The following GLIS1 variants were observed in gnomAD, a reference collection of about 807,000 sequenced individuals.
The protein encoded by GLIS1 is GLIS family zinc finger 1.
A neutral mutation model predicts 63.8 loss-of-function variants in GLIS1; 24 were observed. The observed-to-expected ratio is 0.38, with a 90% CI of 0.27 to 0.53. The LOEUF is 0.53. GLIS1 is among the 20% of genes least tolerant of loss of function. GLIS1 has a pLI of 0.85. For missense variants in GLIS1, 1,036 were observed against 1,074.1 expected, an observed-to-expected ratio of 0.96 and a Z score of 0.50; for synonymous variants, 450 against 482.5, an observed-to-expected ratio of 0.93 and a Z score of 0.88.
rs569737348 is a variant in GLIS1, at chr1:53,710,815, C to G, written c.259+26991G>C. 4.6e-5 allele frequency among the ~76,000 whole-genome samples: 7 copies of G among 152,318 alleles called. No homozygotes were observed. In the East Asian group the frequency reaches 1.4e-3, roughly 29 times the overall value. ...CATGTGGGAAGCCAGTGCCAGGCAC[C>G]CTCCCACGCATGTGAATGTTCCTAA... On this transcript the variant is annotated intron_variant, in intron 2 of 10. Coordinates refer to ENST00000628545, the MANE Select transcript of GLIS1 (RefSeq NM_001367484.1).
chr1:53,542,070 T>A (rs1212746084), intron 4 of GLIS1, among the ~76,000 whole-genome samples: 3 of 152,172 alleles, frequency 2.0e-5, no homozygotes, highest in Non-Finnish European at 1.5e-5. Flanking sequence ...AGCCACTGCC[T>A]CCTCCCCAAA....
At chr1:53,507,680 G>T (rs17108658) in intron 10 of GLIS1, among the ~76,000 whole-genome samples, 1 of 152,160 alleles carries the variant, frequency 6.6e-6, no homozygotes, top group African/African-American at 2.4e-5. Flanking sequence ...GACCGGGGAG[G>T]TGTGCACAGA....
intron 2 of GLIS1, among the ~76,000 whole-genome samples, chr1:53,698,187 C>G (rs529084792): frequency 5.3e-5 from 8 of 151,740 alleles, no homozygotes; most frequent in Non-Finnish European, 1.0e-4. Context: ...AGCTTCAGTG[C>G]GAGATGTCAG....
intron 2 of GLIS1, among the ~76,000 whole-genome samples, chr1:53,614,117 G>A (rs1645453994): frequency 6.6e-6 from 1 of 152,124 alleles, no homozygotes; most frequent in African/African-American, 2.4e-5. Flanking sequence ...TATATGCCAG[G>A]ACCAGGCACC....
chr1:53,727,962 AG>A (rs1351309510), intron 2 of GLIS1, among the ~76,000 whole-genome samples: 1 of 152,220 alleles, frequency 6.6e-6, no homozygotes, highest in Non-Finnish European at 1.5e-5. Flanking sequence ...TCAACCTTGC[AG>A]GAAAAACAAG....
chr1:53,603,547 G>A (rs569620292), intron 2 of GLIS1, among the ~76,000 whole-genome samples: 1 of 152,326 alleles, frequency 6.6e-6, no homozygotes, highest in African/African-American at 2.4e-5. Flanking sequence ...AAAGATGTAG[G>A]CACTGCCTCC....
chr1:53,656,711 G>A (rs1208013922), intron 2 of GLIS1, among the ~76,000 whole-genome samples: 1 of 152,220 alleles, frequency 6.6e-6, no homozygotes, highest in African/African-American at 2.4e-5. Flanking sequence ...AAAGGGGTCG[G>A]AGAGGGCCAG....
At chr1:53,599,107 C>T (rs976050994) in intron 3 of GLIS1, among the ~76,000 whole-genome samples, 3 of 152,202 alleles carry the variant, frequency 2.0e-5, no homozygotes, top group Non-Finnish European at 4.4e-5. Context: ...TGGGGCTGAG[C>T]TGGTGTGCAC....
intron 4 of GLIS1, among the ~76,000 whole-genome samples, chr1:53,553,572 A>C (rs1644784686): frequency 6.6e-6 from 1 of 152,230 alleles, no homozygotes. Flanking sequence ...TAAGCAAATG[A>C]GTAAGACAAT....
chr1:53,624,687 T>A (rs1001253716), intron 2 of GLIS1, among the ~76,000 whole-genome samples: 1 of 152,034 alleles, frequency 6.6e-6, no homozygotes, highest in Non-Finnish European at 1.5e-5. Context: ...ACTACAGGCA[T>A]GTACCACCAT....
chr1:53,528,622 C>T (rs773924544), intron 5 of GLIS1, among the ~76,000 whole-genome samples: 12 of 152,144 alleles, frequency 7.9e-5, no homozygotes, highest in Admixed American at 7.9e-4. Context: ...TTTTCTGGAT[C>T]TCGGTTTTCC....
At chr1:53,512,194 T>C (rs549988463) in intron 8 of GLIS1, among the ~76,000 whole-genome samples, 4 of 152,368 alleles carry the variant, frequency 2.6e-5, no homozygotes, top group Non-Finnish European at 5.9e-5. Context: ...CCTGAGGCTA[T>C]GCTGCTCTAC....
chr1:53,658,003 C>A (rs1458767198), intron 2 of GLIS1, among the ~76,000 whole-genome samples: 1 of 152,176 alleles, frequency 6.6e-6, no homozygotes, highest in Non-Finnish European at 1.5e-5. Context: ...AGCAACCTTG[C>A]TGGTGCTCAA....
At chr1:53,734,069 T>C (rs1366835908) in intron 2 of GLIS1, 1 of 985,208 alleles carries the variant, frequency 1.0e-6, no homozygotes, top group African/African-American at 1.7e-5. Flanking sequence ...TCCTTTTTTT[T>C]TTTTTTCAAG....
chr1:53,567,527 C>T lies in GLIS1; in HGVS notation c.1320+26581G>A, dbSNP rs562186821. On this transcript the variant is annotated intron_variant, in intron 4 of 10. Transcript: ENST00000628545. ...CTGCAGAAATTTGCATAAGAGGAGC[C>T]GAATGTTAATAGCCAAGACAATGTG... 7.2e-5 allele frequency among the ~76,000 whole-genome samples: 11 copies of T among 152,276 alleles called. No homozygotes were observed. In the South Asian group the frequency reaches 1.0e-3, roughly 14 times the overall value.
At chr1:53,583,971 C>T (rs1645109960) in intron 4 of GLIS1, among the ~76,000 whole-genome samples, 1 of 152,326 alleles carries the variant, frequency 6.6e-6, no homozygotes, top group East Asian at 1.9e-4. Flanking sequence ...AGACACTGTG[C>T]CCCAGCACGA....
chr1:53,537,740 G>A (rs1644596854), intron 4 of GLIS1, among the ~76,000 whole-genome samples: 1 of 152,236 alleles, frequency 6.6e-6, no homozygotes, highest in South Asian at 2.1e-4. Flanking sequence ...TGGACACAGA[G>A]TGAAGAGGAG....
intron 10 of GLIS1, 34 bp from the exon 11 acceptor site, chr1:53,506,810 G>T: frequency 6.3e-7 from 1 of 1,589,830 alleles, no homozygotes; most frequent in Non-Finnish European, 8.5e-7. Context: ...AGCGCTGGAG[G>T]CAGCAGGGGC....
rs138140016 is a variant in GLIS1, at chr1:53,692,352, A to T, written c.259+45454T>A. ...CTGAAGAGTAAAAGGACTCAACACA[A>T]CCATAAAATAGCAATGGTATCCAAT... is the stretch of plus-strand genomic sequence containing the variant. On this transcript the variant is annotated intron_variant, in intron 2 of 10. Coordinates refer to ENST00000628545, the MANE Select transcript of GLIS1 (RefSeq NM_001367484.1). Among the ~76,000 whole-genome samples the T allele has an allele frequency of 2.0e-5, 3 of 152,324 alleles. No individual in the cohort carries two copies. In the East Asian group the frequency reaches 5.8e-4, roughly 29 times the overall value.
Sources: allele counts gnomAD v4.1 joint callset (sites outside exome capture counted in the v4.1 genomes callset), GRCh38; gene constraint gnomAD v4.1.1; transcripts MANE v1.5; gene names NCBI Gene and HGNC (gene_info 2026-07-23, HGNC 2026-07-21).